Variants in MAPK8 observed in about 807,000 individuals in gnomAD.
MAPK8 encodes the protein JUN N-terminal kinase.
A neutral mutation model predicts 52.9 loss-of-function variants in MAPK8; 13 were observed. That is an observed-to-expected ratio of 0.25 (90% confidence interval 0.16 to 0.39). The LOEUF (loss-of-function observed/expected upper bound fraction) is 0.39. Ranked by LOEUF, MAPK8 falls within the 10% of genes least tolerant of loss-of-function variation. MAPK8 has a pLI of 1.00. For synonymous variants in MAPK8, 191 were observed against 169.8 expected (o/e 1.12, Z -0.97); for missense variants, 300 against 519.2 (o/e 0.58, Z 4.10).
chr10:48,413,026 T>G (rs2042845525), intron 5 of MAPK8, among the ~76,000 whole-genome samples: 1 of 152,242 alleles, frequency 6.6e-6, no homozygotes, highest in South Asian at 2.1e-4. Context: ...ATACCTCATA[T>G]AAGCGGAATC....
At chr10:48,322,353 G>A (rs914792560) in intron 1 of MAPK8, among the ~76,000 whole-genome samples, 1 of 151,926 alleles carries the variant, frequency 6.6e-6, no homozygotes, top group African/African-American at 2.4e-5. Context: ...AAGCATGTCT[G>A]TGTCGGATAA....
chr10:48,402,735 C>G (rs548570051), intron 2 of MAPK8, among the ~76,000 whole-genome samples: 1 of 152,190 alleles, frequency 6.6e-6, no homozygotes, highest in African/African-American at 2.4e-5. Context: ...AGTATTTCTC[C>G]TAGGTTCTAA....
At position 48,436,950 on chromosome 10, in the gene MAPK8, CTG is replaced by C. The variant is rs1359095481; in HGVS notation, c.*1923_*1924del. On this transcript the variant is annotated 3_prime_UTR_variant, in exon 12 of 12. Transcript: ENST00000374189. ...GTGTTTATATTAATTTCACAATTAG[CTG>C]TATTTTCTGTAGCATAGATTATGTC... is the stretch of plus-strand genomic sequence containing the variant. 1 of 152,154 alleles carries C rather than the reference CTG, an allele frequency of 6.6e-6. No homozygotes were observed. Among genetic ancestry groups the C allele is most frequent in the Admixed American group, 6.5e-5 (1 of 15,278 alleles). 9.4% of individuals were successfully genotyped at this position (152,154 alleles called of 1,614,324 possible).
intron 1 of MAPK8, among the ~76,000 whole-genome samples, chr10:48,351,807 G>C (rs1049572027): frequency 6.6e-6 from 1 of 152,096 alleles, no homozygotes; most frequent in African/African-American, 2.4e-5. Flanking sequence ...TCGGATTTCA[G>C]ATTTTTTCAG....
At chr10:48,406,022 A>G (rs1047339980) in intron 3 of MAPK8, among the ~76,000 whole-genome samples, 7 of 152,186 alleles carry the variant, frequency 4.6e-5, no homozygotes. Context: ...TTGTCAAATG[A>G]TGATGGTGGC....
In MAPK8 at chr10:48,437,607, TTG is replaced by T. The variant is rs937088849; in HGVS notation, c.*2582_*2583del. 2.0e-5 allele frequency: 3 copies of T among 152,180 alleles called. No homozygotes were observed. The highest frequency in any genetic ancestry group is 4.4e-5 in the Non-Finnish European group (3 of 68,016). The allele number at this position is 152,180 out of a possible 1,614,324, so 9.4% of individuals were successfully genotyped here. A position where few individuals can be genotyped will look rare whatever the true frequency, so the allele number is the denominator to read the frequency against. ...TATATACTGGCCATTTGTAAAACCA[TTG>T]TGTTGTTGGGATCACTTAGTTATAC... On this transcript the variant is annotated 3_prime_UTR_variant, in exon 12 of 12. Coordinates refer to ENST00000374189, the MANE Select transcript of MAPK8 (RefSeq NM_001323329.2).
chr10:48,308,053 A>G (rs543903277), intron 1 of MAPK8: 2 of 152,362 alleles, frequency 1.3e-5, no homozygotes, highest in African/African-American at 2.4e-5. Context: ...TGGTCTAAAT[A>G]TACAACAGCT....
intron 1 of MAPK8, among the ~76,000 whole-genome samples, chr10:48,389,007 A>G (rs1458371481): frequency 6.6e-6 from 1 of 152,142 alleles, no homozygotes; most frequent in East Asian, 1.9e-4. Flanking sequence ...AGAGTACCCT[A>G]GGATGCACCC....
chr10:48,371,848 A>G (rs1848556050), intron 1 of MAPK8, among the ~76,000 whole-genome samples: 1 of 152,144 alleles, frequency 6.6e-6, no homozygotes, highest in Admixed American at 6.6e-5. Flanking sequence ...TTAATTTTCT[A>G]GAGTGGCTCA....
rs146048846 is a variant in MAPK8 at position 48,313,560 on chromosome 10, A to G, written c.-50+6739A>G. Reference sequence around the variant, plus strand: ...CTTATGCTACGTCTCGTCAGGTTTTACCACCAAATACGTTTGTACTAAACT... The same window carrying G: ...CTTATGCTACGTCTCGTCAGGTTTTGCCACCAAATACGTTTGTACTAAACT... On this transcript the variant is annotated intron_variant, in intron 1 of 11. Coordinates refer to ENST00000374189, the MANE Select transcript of MAPK8 (RefSeq NM_001323329.2). 1.7e-4 allele frequency among the ~76,000 whole-genome samples: 26 copies of G among 152,382 alleles called. No homozygotes were observed. The East Asian group carries it at 3.3e-3, about 19-fold the overall frequency.
chr10:48,417,070 T>TAG (rs1468993936), intron 5 of MAPK8, among the ~76,000 whole-genome samples: 1 of 152,142 alleles, frequency 6.6e-6, no homozygotes, highest in African/African-American at 2.4e-5. Flanking sequence ...CTCTACCCAC[T>TAG]AGATGCCAGT....
At position 48,381,878 on chromosome 10, in the gene MAPK8, G is replaced by T. The variant is rs1180104335; in HGVS notation, c.-49-19734G>T. Among the ~76,000 whole-genome samples the T allele has an allele frequency of 5.3e-5, 8 of 152,232 alleles. No homozygotes were observed. In the East Asian group the frequency reaches 1.5e-3, roughly 29 times the overall value. ...CTGCAACACAGATACCCTTCCTAAT[G>T]TCTTCCTCAGTCATACTGAGTCGCA... is the stretch of plus-strand genomic sequence containing the variant. On this transcript the variant is annotated intron_variant, in intron 1 of 11. Transcript: ENST00000374189.
intron 10 of MAPK8, among the ~76,000 whole-genome samples, chr10:48,429,023 T>A (rs2043933987): frequency 6.6e-6 from 1 of 151,512 alleles, no homozygotes. Flanking sequence ...GGTCTCACTG[T>A]GTTGCCCAGG....
intron 1 of MAPK8, among the ~76,000 whole-genome samples, chr10:48,360,645 A>C (rs1331176223): frequency 6.6e-6 from 1 of 152,208 alleles, no homozygotes; most frequent in East Asian, 1.9e-4. Context: ...AACTACAGCC[A>C]CACACACTCT....
At position 48,373,571 on chromosome 10, in the gene MAPK8, C is replaced by CAAAAAAAAAAAAAAAAAAAAAAAAA. The variant is rs539162576; in HGVS notation, c.-49-28038_-49-28014dup. On this transcript the variant is annotated intron_variant, in intron 1 of 11. Coordinates refer to ENST00000374189, the MANE Select transcript of MAPK8 (RefSeq NM_001323329.2). ...GAAGATTTACCAAGTAAATTGAAAGCAAAAAAAAAAAAAAAAAAAAAAAAA... is the reference window on the plus strand; with the variant it reads ...GAAGATTTACCAAGTAAATTGAAAGCAAAAAAAAAAAAAAAAAAAAAAAAAAAAAAAAAAAAAAAAAAAAAAAAAA... Among the ~76,000 whole-genome samples the CAAAAAAAAAAAAAAAAAAAAAAAAA allele has an allele frequency of 8.9e-4, 15 of 16,844 alleles. 5 individuals are homozygous for CAAAAAAAAAAAAAAAAAAAAAAAAA. Among genetic ancestry groups the CAAAAAAAAAAAAAAAAAAAAAAAAA allele is most frequent in the Admixed American group, 2.5e-3 (2 of 800 alleles). 11.1% of individuals were successfully genotyped at this position (16,844 alleles called of 152,430 possible). A position where few individuals can be genotyped will look rare whatever the true frequency, so the allele number is the denominator to read the frequency against.
intron 1 of MAPK8, among the ~76,000 whole-genome samples, chr10:48,367,582 T>A (rs1848167509): frequency 6.6e-6 from 1 of 152,150 alleles, no homozygotes; most frequent in Non-Finnish European, 1.5e-5. Context: ...AACATTATTA[T>A]GAAAAGTATT....
chr10:48,313,571 C>T (rs72792269), intron 1 of MAPK8, among the ~76,000 whole-genome samples: 14,489 of 152,250 alleles, frequency 0.095, 725 homozygotes, highest in Non-Finnish European at 0.11. Flanking sequence ...CCACCAAATA[C>T]GTTTGTACTA....
chr10:48,322,653 T>C (rs1843112700), intron 1 of MAPK8, among the ~76,000 whole-genome samples: 1 of 152,154 alleles, frequency 6.6e-6, no homozygotes. Context: ...TCACACTTTC[T>C]TGGGCCCTTA....
chr10:48,384,999 A>C (rs376976125), intron 1 of MAPK8, among the ~76,000 whole-genome samples: 7 of 152,326 alleles, frequency 4.6e-5, no homozygotes, highest in African/African-American at 1.7e-4. Flanking sequence ...AAAAGGATGA[A>C]TCAGGAAAGG....
Sources: allele counts gnomAD v4.1 joint callset (sites outside exome capture counted in the v4.1 genomes callset), GRCh38; gene constraint gnomAD v4.1.1; transcripts MANE v1.5; gene names NCBI Gene and HGNC (gene_info 2026-07-23, HGNC 2026-07-21).